NF1: variants seen among roughly 807,000 people sequenced by gnomAD.
NF1 encodes the protein neurofibromin 1.
NF1 carries 122 observed loss-of-function variants against 325.7 expected under a neutral mutation model. The ratio of observed to expected loss-of-function variants is 0.37; its 90% CI spans 0.32 to 0.44. The LOEUF (loss-of-function observed/expected upper bound fraction) is 0.44. Ranked by LOEUF, NF1 falls within the 20% of genes least tolerant of loss-of-function variation. The probability of loss-of-function intolerance (pLI) is 1.00; values close to 1 mark genes in which losing one functional copy is unlikely to be tolerated. For synonymous variants in NF1, 1,091 were observed against 1,186.0 expected (o/e 0.92, Z 1.65); for missense variants, 2,140 against 3,415.4 (o/e 0.63, Z 9.31).
chr17:31,143,836 T>C lies in NF1; in HGVS notation c.61-12147T>C, dbSNP rs1444127567. Among the ~76,000 whole-genome samples the C allele has an allele frequency of 3.3e-5, 5 of 152,108 alleles. No individual in the cohort carries two copies. The East Asian group carries it at 9.6e-4, about 29-fold the overall frequency. On this transcript the variant is annotated intron_variant, in intron 1 of 57. Transcript: ENST00000358273. ...TTTCTTTTCTTTTTTTTGTTTTGTT[T>C]TTTGAGACAGAGACTCGCTCTGTTG...
chr17:31,249,978 T>A (rs1306936106), intron 30 of NF1: 1 of 492,754 alleles, frequency 2.0e-6, no homozygotes, highest in Non-Finnish European at 4.0e-6. Flanking sequence ...ATTTGCTTTT[T>A]TAGCACACGG....
At chr17:31,295,735 G>T in intron 36 of NF1, 8 of 1,614,164 alleles carry the variant, frequency 5.0e-6, no homozygotes, top group Non-Finnish European at 6.8e-6. Context: ...ACTTATTGTT[G>T]TGCAGGTAAA....
intron 48 of NF1, among the ~76,000 whole-genome samples, chr17:31,344,703 A>G (rs1377367859): frequency 1.3e-5 from 2 of 152,254 alleles, no homozygotes; most frequent in Non-Finnish European, 2.9e-5. Context: ...TTCTCAAAAA[A>G]TACTACCTTA....
intron 1 of NF1, among the ~76,000 whole-genome samples, chr17:31,143,889 T>G (rs1916404641): frequency 1.3e-5 from 2 of 152,006 alleles, no homozygotes; most frequent in Non-Finnish European, 1.5e-5. Context: ...TGGCGCAGTC[T>G]CGGCTCACTG....
chr17:31,265,448 C>G (rs2067770100), intron 36 of NF1, 109 bp downstream of exon 36: 1 of 790,314 alleles, frequency 1.3e-6, no homozygotes, highest in African/African-American at 1.7e-5. Flanking sequence ...GAATTGAAGA[C>G]AAGTTTACTT....
intron 11 of NF1, among the ~76,000 whole-genome samples, chr17:31,202,440 A>G (rs1484871730): frequency 6.6e-6 from 1 of 152,210 alleles, no homozygotes; most frequent in Non-Finnish European, 1.5e-5. Context: ...TACTGCCCAT[A>G]TTCTATCCAT....
chr17:31,195,313 C>A (rs1000595294), intron 8 of NF1, among the ~76,000 whole-genome samples: 4 of 152,080 alleles, frequency 2.6e-5, no homozygotes, highest in Non-Finnish European at 5.9e-5. Flanking sequence ...TAAAATAACT[C>A]ATTAATCACC....
At chr17:31,165,276 A>C (rs1379602976) in intron 4 of NF1, among the ~76,000 whole-genome samples, 1 of 152,234 alleles carries the variant, frequency 6.6e-6, no homozygotes, top group African/African-American at 2.4e-5. Context: ...AATAGAAACC[A>C]AGTGTCTAAA....
At chr17:31,230,950 A>G (rs2067103662) in intron 24 of NF1, 25 bp downstream of exon 24, 2 of 1,555,152 alleles carry the variant, frequency 1.3e-6, no homozygotes, top group Non-Finnish European at 8.8e-7. Context: ...ACCTTCAAGT[A>G]TTAGTGGGTT....
Position 31,322,977 on chromosome 17 carries a change from A to G in NF1, c.4836-2843A>G, listed in dbSNP as rs187136906. 3.9e-3 allele frequency among the ~76,000 whole-genome samples: 597 copies of G among 152,342 alleles called. 3 individuals are homozygous for G. Among genetic ancestry groups the G allele is most frequent in the Non-Finnish European group, 5.0e-3 (339 of 68,036 alleles). On this transcript the variant is annotated intron_variant, in intron 36 of 57. Transcript: ENST00000358273. ...TGAATCCTTCTTATATCTTGTATAC[A>G]TCACTGTCTTTGGTCATACCACCCT...
chr17:31,141,495 T>A (rs541843401), intron 1 of NF1, among the ~76,000 whole-genome samples: 5 of 152,338 alleles, frequency 3.3e-5, no homozygotes, highest in Non-Finnish European at 5.9e-5. Flanking sequence ...TTAAATGTTA[T>A]CCTTTCTGTA....
intron 8 of NF1, among the ~76,000 whole-genome samples, chr17:31,188,817 C>T (rs1162310291): frequency 6.6e-6 from 1 of 152,168 alleles, no homozygotes; most frequent in African/African-American, 2.4e-5. Flanking sequence ...CCATCTTCCT[C>T]CTGTGCTGGT....
At chr17:31,345,566 G>C in intron 48 of NF1, 1 of 1,577,348 alleles carries the variant, frequency 6.3e-7, no homozygotes, top group Non-Finnish European at 8.6e-7. Context: ...CGCCCGGCTC[G>C]GGCAAGGGCA....
At chr17:31,250,644 A>G (rs2067478666) in intron 30 of NF1, 1 of 194,566 alleles carries the variant, frequency 5.1e-6, no homozygotes, top group African/African-American at 2.3e-5. Flanking sequence ...AATAATGTAA[A>G]AGGAACAGGT....
chr17:31,335,578 C>A (rs1387264360), intron 40 of NF1, among the ~76,000 whole-genome samples: 1 of 151,610 alleles, frequency 6.6e-6, no homozygotes, highest in Non-Finnish European at 1.5e-5. Context: ...GGAAATAATG[C>A]CCTCACTCAA....
chr17:31,225,118 C>G lies in NF1; in HGVS notation c.1869C>G (p.His623Gln), dbSNP rs1555613556. Reference sequence around the variant, plus strand: ...AGCAGGCAGATAGAAGTTCCTGTCACTTTCTCCTTTTTTACGGGGTAGGAT... The same window carrying G: ...AGCAGGCAGATAGAAGTTCCTGTCAGTTTCTCCTTTTTTACGGGGTAGGAT... ...KNKQADRSSC[H>Q]FLLFYGVGCD... The change falls in exon 17 of 58, where the codon CAC becomes CAG. Residue 623 changes from histidine (H) to glutamine (Q), a missense_variant. Transcript: ENST00000358273. The G allele has an allele frequency of 1.2e-6, 2 of 1,613,610 alleles. No homozygotes were observed. Among genetic ancestry groups the G allele is most frequent in the Non-Finnish European group, 1.7e-6 (2 of 1,179,714 alleles).
intron 1 of NF1, among the ~76,000 whole-genome samples, chr17:31,126,649 C>T (rs1424879749): frequency 6.6e-6 from 1 of 151,960 alleles, no homozygotes; most frequent in Non-Finnish European, 1.5e-5. Context: ...GCCATGTTCC[C>T]CAGGCTGGTC....
intron 12 of NF1, among the ~76,000 whole-genome samples, chr17:31,211,366 T>C (rs2066726022): frequency 6.6e-6 from 1 of 152,248 alleles, no homozygotes; most frequent in Admixed American, 6.5e-5. Flanking sequence ...ATTAAATTTA[T>C]TGGAATTTCT....
Position 31,159,041 on chromosome 17 carries a change from T to C in NF1, c.236T>C (p.Leu79Ser). 6.2e-7 allele frequency: 1 copy of C among 1,608,964 alleles called. No homozygotes were observed. The highest frequency in any genetic ancestry group is 8.5e-7 in the Non-Finnish European group (1 of 1,175,526). The stretch of plus-strand genomic sequence containing the variant: ...TTTGGAGAAGCTGCTGAAAAAAATT[T>C]ATATCTCTCTCAGTTGATTATATTG... ...RIFGEAAEKN[L>S]YLSQLIILDT... Residue 79 changes from leucine to serine, a missense_variant, in exon 3 of 58, where the codon TTA becomes TCA. Around this residue, in one of 10 missense-constraint regions of NF1, gnomAD observed 246 missense variants for 347.8 expected, o/e 0.71. Coordinates refer to ENST00000358273, the MANE Select transcript of NF1 (RefSeq NM_001042492.3).
Sources: gnomAD v4.1 joint callset for allele counts (sites outside exome capture counted in the v4.1 genomes callset) on GRCh38, gnomAD v4.1.1 for gene constraint, gnomAD v4.1.1 regional missense constraint, MANE v1.5 for transcripts, NCBI Gene and HGNC (gene_info 2026-07-23, HGNC 2026-07-21) for gene names.